CD44: variants seen among roughly 807,000 people sequenced by gnomAD.
The protein encoded by CD44 is CD44 molecule (IN blood group).
In CD44, 49 loss-of-function variants were observed where a neutral mutation model predicts 88.8. The ratio of observed to expected loss-of-function variants is 0.55; its 90% CI spans 0.44 to 0.70. CD44 has a LOEUF of 0.70. CD44 is among the 30% of genes least tolerant of loss of function. CD44 has a pLI of 0.00. For missense variants in CD44, 883 were observed against 913.8 expected (o/e 0.97, Z 0.43); for synonymous variants, 325 against 312.3 (o/e 1.04, Z -0.43).
intron 3 of CD44, among the ~76,000 whole-genome samples, chr11:35,181,348 C>T (rs748581205): frequency 6.6e-6 from 1 of 152,122 alleles, no homozygotes; most frequent in Non-Finnish European, 1.5e-5. Flanking sequence ...CCTAGAAAAT[C>T]AGGCTTATGA....
intron 3 of CD44, among the ~76,000 whole-genome samples, chr11:35,183,405 G>A (rs1276460926): frequency 6.6e-6 from 1 of 151,936 alleles, no homozygotes; most frequent in Non-Finnish European, 1.5e-5. Flanking sequence ...AATTCTGAAT[G>A]TCTTGGATTA....
intron 3 of CD44, 21 bp from the exon 4 acceptor site, chr11:35,186,811 C>G: frequency 1.3e-6 from 2 of 1,504,930 alleles, no homozygotes; most frequent in Non-Finnish European, 9.3e-7. Flanking sequence ...GGGTTCTCAT[C>G]CTTTTTTTCC....
In CD44 at chr11:35,208,179, A is replaced by G. The variant is rs143577627; in HGVS notation, c.1489A>G (p.Arg497Gly). 1.9e-6 allele frequency: 3 copies of G among 1,612,516 alleles called. No individual in the cohort carries two copies. The highest frequency in any genetic ancestry group is 1.3e-5 in the African/African-American group (1 of 74,998). Residue 497 changes from arginine (R) to glycine (G), a missense_variant, in exon 12 of 18, where the codon AGG (arginine) becomes GGG (glycine). Transcript: ENST00000428726. Reference protein sequence around the residue: ...PNTGLVEDLDRTGPLSMTTQQ... With the variant: ...PNTGLVEDLDGTGPLSMTTQQ... ...CACAGGTTTGGTGGAAGATTTGGACAGGACAGGACCTCTTTCAATGACAAC... is the reference window on the plus strand; with the variant it reads ...CACAGGTTTGGTGGAAGATTTGGACGGGACAGGACCTCTTTCAATGACAAC...
chr11:35,176,705 G>A lies in CD44; in HGVS notation c.198G>A (p.Met66Ile). The A allele has an allele frequency of 6.2e-7, 1 of 1,614,102 alleles. No individual in the cohort carries two copies. The highest frequency in any genetic ancestry group is 1.1e-5 in the South Asian group (1 of 91,076). ...FNSTLPTMAQ[M>I]EKALSIGFET... ...GCACCTTGCCCACAATGGCCCAGAT[G>A]GAGAAAGCTCTGAGCATCGGATTTG... is the stretch of plus-strand genomic sequence containing the variant. Residue 66 changes from methionine (M) to isoleucine (I), a missense_variant, in exon 2 of 18, where the codon ATG becomes ATA. Physicochemically the swap from Met to Ile is conservative, Grantham distance 10 (BLOSUM62 1). This residue lies in a region of CD44 where 252 missense variants were observed against 322.9 expected (regional missense o/e 0.78). Transcript: ENST00000428726.
intron 1 of CD44, among the ~76,000 whole-genome samples, chr11:35,172,147 A>G (rs934990861): frequency 5.3e-5 from 8 of 152,178 alleles, no homozygotes; most frequent in Non-Finnish European, 8.8e-5. Flanking sequence ...CCTTGGCTCT[A>G]CACTGGTCCA....
chr11:35,169,953 A>G (rs568635157), intron 1 of CD44, among the ~76,000 whole-genome samples: 1 of 152,330 alleles, frequency 6.6e-6, no homozygotes, highest in African/African-American at 2.4e-5. Context: ...TTTGTGCCTC[A>G]GTTTCCTCAT....
Position 35,206,183 on chromosome 11 carries a change from G to A in CD44, c.1354G>A (p.Asp452Asn), listed in dbSNP as rs1565130903. 6.2e-7 allele frequency: 1 copy of A among 1,612,536 alleles called. No homozygotes were observed. Among genetic ancestry groups the A allele is most frequent in the Non-Finnish European group, 8.5e-7 (1 of 1,179,186 alleles). The change falls in exon 11 of 18, where the codon GAT becomes AAT. Residue 452 changes from aspartate to asparagine, a missense_variant. Transcript: ENST00000428726. ...AAGCCCAGAGGACAGTTCCTGGACTGATTTCTTCAACCCAATCTCACACCC... is the reference window on the plus strand; with the variant it reads ...AAGCCCAGAGGACAGTTCCTGGACTAATTTCTTCAACCCAATCTCACACCC... ...TPSPEDSSWT[D>N]FFNPISHPMG...
At chr11:35,183,751 G>A (rs115163931) in intron 3 of CD44, among the ~76,000 whole-genome samples, 1,699 of 152,148 alleles carry the variant, frequency 0.011, 47 homozygotes, top group African/African-American at 0.039. Flanking sequence ...GGTGACTTCT[G>A]TGTGAACACA....
chr11:35,153,200 G>A (rs1045828070), intron 1 of CD44, among the ~76,000 whole-genome samples: 2 of 152,150 alleles, frequency 1.3e-5, no homozygotes, highest in Middle Eastern at 3.2e-3. Context: ...CCTTTGAGAC[G>A]ATAAAGGAGA....
chr11:35,191,286 T>C (rs1226261279), intron 5 of CD44, among the ~76,000 whole-genome samples: 2 of 152,228 alleles, frequency 1.3e-5, no homozygotes, highest in Non-Finnish European at 2.9e-5. Context: ...AATAGTGTTT[T>C]AAATTTCTGT....
Position 35,176,548 on chromosome 11 carries a change from A to G in CD44, c.68-27A>G, listed in dbSNP as rs755467634. ...GTCTCCAAATTATTTATGCAAAAGA[A>G]TCTAACATTTCTATTTCTTCCCATA... On this transcript the variant is annotated intron_variant, in intron 1 of 17. Transcript: ENST00000428726. 3.1e-6 allele frequency: 5 copies of G among 1,593,850 alleles called. No individual in the cohort carries two copies. In the African/African-American group the frequency reaches 6.8e-5, roughly 22 times the overall value.
intron 17 of CD44, among the ~76,000 whole-genome samples, chr11:35,227,111 G>A (rs1174057155): frequency 1.3e-5 from 2 of 151,914 alleles, no homozygotes; most frequent in Admixed American, 6.6e-5. Context: ...AGCTGGTCTC[G>A]AACTCCTGAC....
intron 1 of CD44, among the ~76,000 whole-genome samples, chr11:35,161,444 G>A (rs915057869): frequency 2.6e-5 from 4 of 152,130 alleles, no homozygotes; most frequent in African/African-American, 9.7e-5. Flanking sequence ...GTAAATCCTT[G>A]CAATCACCAG....
At chr11:35,224,279 A>G (rs796394881) in intron 17 of CD44, among the ~76,000 whole-genome samples, 26 of 152,328 alleles carry the variant, frequency 1.7e-4, no homozygotes, top group African/African-American at 6.0e-4. Flanking sequence ...GCCATCATCC[A>G]AAACAGCTTT....
intron 15 of CD44, 88 bp downstream of exon 15, chr11:35,215,002 A>C (rs930055346): frequency 3.9e-6 from 3 of 759,720 alleles, no homozygotes; most frequent in Middle Eastern, 2.5e-4. Context: ...GTGTCTCCAG[A>C]GAAGTGGTTC....
intron 1 of CD44, among the ~76,000 whole-genome samples, chr11:35,173,159 T>C (rs1045755787): frequency 6.6e-6 from 1 of 152,226 alleles, no homozygotes; most frequent in African/African-American, 2.4e-5. Flanking sequence ...GCCTCAGAGT[T>C]GATTTTTAAC....
intron 5 of CD44, among the ~76,000 whole-genome samples, chr11:35,193,463 A>G: frequency 6.6e-6 from 1 of 152,236 alleles, no homozygotes; most frequent in East Asian, 1.9e-4. Context: ...AGTAGGTTCA[A>G]TGGTAGACCA....
intron 17 of CD44, among the ~76,000 whole-genome samples, chr11:35,227,867 G>T (rs950652397): frequency 6.6e-6 from 1 of 152,182 alleles, no homozygotes; most frequent in Non-Finnish European, 1.5e-5. Context: ...TTTGAATATT[G>T]GCTCTGTCAT....
At chr11:35,183,635 T>A (rs1290831883) in intron 3 of CD44, among the ~76,000 whole-genome samples, 2 of 152,178 alleles carry the variant, frequency 1.3e-5, no homozygotes, top group Non-Finnish European at 2.9e-5. Context: ...GCAGTATTTT[T>A]AGAAAACATG....
Sources: gnomAD v4.1 joint callset for allele counts (sites outside exome capture counted in the v4.1 genomes callset) on GRCh38, gnomAD v4.1.1 for gene constraint, gnomAD v4.1.1 regional missense constraint, MANE v1.5 for transcripts, NCBI Gene and HGNC (gene_info 2026-07-23, HGNC 2026-07-21) for gene names.